The following BIRC6 variants were observed in gnomAD, a reference collection of about 807,000 sequenced individuals.
The protein encoded by BIRC6 is dual E2 ubiquitin-conjugating enzyme/E3 ubiquitin-protein ligase BIRC6.
A neutral mutation model predicts 503.3 loss-of-function variants in BIRC6; 98 were observed. That is an observed-to-expected ratio of 0.19 (90% CI 0.17 to 0.23). BIRC6 has a LOEUF of 0.23. Among genes scored for constraint, BIRC6 ranks in the 10% least tolerant of loss-of-function variants. The probability of loss-of-function intolerance (pLI) is 1.00; values close to 1 mark genes in which losing one functional copy is unlikely to be tolerated. For synonymous variants in BIRC6, 2,240 were observed against 2,078.7 expected (o/e 1.08, Z -2.11); for missense variants, 5,360 against 5,806.0 (o/e 0.92, Z 2.50).
intron 72 of BIRC6, among the ~76,000 whole-genome samples, chr2:32,608,934 C>T (rs775529509): frequency 6.6e-6 from 1 of 151,890 alleles, no homozygotes; most frequent in East Asian, 1.9e-4. Flanking sequence ...TGCTGGAATA[C>T]AGTGGCGGAA....
intron 73 of BIRC6, among the ~76,000 whole-genome samples, chr2:32,615,738 G>T (rs2063184784): frequency 6.6e-6 from 1 of 152,090 alleles, no homozygotes; most frequent in African/African-American, 2.4e-5. Flanking sequence ...TGGTTCAAGC[G>T]ATGCTCCTGC....
At chr2:32,479,406 A>G in intron 36 of BIRC6, 56 bp from the exon 37 acceptor site, 1 of 1,482,774 alleles carries the variant, frequency 6.7e-7, no homozygotes, top group South Asian at 1.2e-5. Flanking sequence ...ATGTGCTGTA[A>G]TACATTTTCG....
chr2:32,406,543 C>G lies in BIRC6; in HGVS notation c.1463C>G (p.Ser488Ter), dbSNP rs2041238318. 6.2e-7 allele frequency: 1 copy of G among 1,609,242 alleles called. No individual in the cohort carries two copies. The highest frequency in any genetic ancestry group is 1.7e-5 in the Admixed American group (1 of 59,736). The change falls in exon 9 of 74, where the codon TCA becomes TGA. Residue 488 changes from serine to a stop codon, truncating the protein, a stop_gained. Coordinates refer to ENST00000421745, the MANE Select transcript of BIRC6 (RefSeq NM_016252.4). LOFTEE classifies it high-confidence loss of function. ...EDSDSEEHSRSDSVTGHTSQK... is the reference protein window; with the variant it reads ...EDSDSEEHSR The stretch of plus-strand genomic sequence containing the variant: ...TCAGACAGTGAAGAGCATTCCAGAT[C>G]AGATTCTGTGACAGGTATGTAAAAA...
At chr2:32,556,602 T>G (rs151104752) in intron 65 of BIRC6, among the ~76,000 whole-genome samples, 1 of 152,218 alleles carries the variant, frequency 6.6e-6, no homozygotes, top group Non-Finnish European at 1.5e-5. Context: ...ATTTCCGCTA[T>G]ATAATTGTTT....
At chr2:32,370,199 G>A (rs1300707060) in intron 1 of BIRC6, among the ~76,000 whole-genome samples, 2 of 151,712 alleles carry the variant, frequency 1.3e-5, no homozygotes, top group Non-Finnish European at 2.9e-5. Flanking sequence ...AAACCCCACA[G>A]CAAGTATCTT....
chr2:32,368,445 C>G (rs1294422752), intron 1 of BIRC6, among the ~76,000 whole-genome samples: 1 of 152,070 alleles, frequency 6.6e-6, no homozygotes, highest in Non-Finnish European at 1.5e-5. Context: ...GAGGCTGAGG[C>G]AGAAGAATCG....
intron 2 of BIRC6, 119 bp downstream of exon 2, chr2:32,377,888 ATTTAC>A: frequency 1.2e-6 from 1 of 817,078 alleles, no homozygotes; most frequent in South Asian, 2.4e-5. Flanking sequence ...TATAAAAACA[ATTTAC>A]TTATTGACCA....
At chr2:32,456,152 T>C (rs571583926) in intron 23 of BIRC6, among the ~76,000 whole-genome samples, 5 of 152,236 alleles carry the variant, frequency 3.3e-5, no homozygotes, top group Non-Finnish European at 7.3e-5. Context: ...CTCCAGAAGC[T>C]AAACATCATC....
At chr2:32,409,626 G>A (rs1345896892) in intron 9 of BIRC6, among the ~76,000 whole-genome samples, 1 of 152,170 alleles carries the variant, frequency 6.6e-6, no homozygotes, top group African/African-American at 2.4e-5. Context: ...TGAAGATTGA[G>A]AAGAATGTTT....
chr2:32,545,406 CAT>C (rs1364194492), intron 62 of BIRC6, among the ~76,000 whole-genome samples: 4 of 152,120 alleles, frequency 2.6e-5, no homozygotes, highest in Non-Finnish European at 5.9e-5. Flanking sequence ...TATGATCATA[CAT>C]ATGTTTCCAT....
At chr2:32,597,423 A>C (rs561537180) in intron 68 of BIRC6, among the ~76,000 whole-genome samples, 1 of 152,216 alleles carries the variant, frequency 6.6e-6, no homozygotes, top group African/African-American at 2.4e-5. Context: ...CTTTGAGTTA[A>C]TAGACCCTGT....
chr2:32,401,560 C>G lies in BIRC6; in HGVS notation c.1355C>G (p.Pro452Arg). 1 of 1,613,932 alleles carries G rather than the reference C, an allele frequency of 6.2e-7. No homozygotes were observed. Among genetic ancestry groups the G allele is most frequent in the Non-Finnish European group, 8.5e-7 (1 of 1,179,882 alleles). ...AGCTCAGGAGTTGATTCAAGGAGACCAACTTTGGCGTGGCTGGAGGACTCC... is the reference window on the plus strand; with the variant it reads ...AGCTCAGGAGTTGATTCAAGGAGACGAACTTTGGCGTGGCTGGAGGACTCC... ...DPSSGVDSRR[P>R]TLAWLEDSSS... Residue 452 changes from proline (P) to arginine (R), a missense_variant, in exon 8 of 74, where the codon CCA (proline) becomes CGA (arginine). Around this residue, in one of 16 missense-constraint regions of BIRC6, gnomAD observed 700 missense variants for 739.3 expected, o/e 0.95. Coordinates refer to ENST00000421745, the MANE Select transcript of BIRC6 (RefSeq NM_016252.4).
chr2:32,385,032 GAGGATC>G (rs1211794473), intron 3 of BIRC6, among the ~76,000 whole-genome samples: 5 of 152,146 alleles, frequency 3.3e-5, no homozygotes, highest in Non-Finnish European at 7.4e-5. Flanking sequence ...GTTAACTAGT[GAGGATC>G]TTTACTTCTA....
chr2:32,478,201 G>A (rs188030679), intron 35 of BIRC6, among the ~76,000 whole-genome samples: 2 of 152,094 alleles, frequency 1.3e-5, no homozygotes, highest in Non-Finnish European at 2.9e-5. Flanking sequence ...GCTGGGTGTG[G>A]TGGCATGCAC....
chr2:32,484,325 G>A (rs916732451), intron 39 of BIRC6, among the ~76,000 whole-genome samples: 1 of 152,152 alleles, frequency 6.6e-6, no homozygotes, highest in South Asian at 2.1e-4. Context: ...GCCGAGGCAG[G>A]TGGATCACCT....
At chr2:32,605,912 A>T (rs1204012574) in intron 71 of BIRC6, among the ~76,000 whole-genome samples, 2 of 152,222 alleles carry the variant, frequency 1.3e-5, no homozygotes, top group Non-Finnish European at 2.9e-5. Flanking sequence ...CAGAAATAAT[A>T]TGAATTAAAG....
At chr2:32,468,173 T>G in intron 28 of BIRC6, 62 bp downstream of exon 28, 1 of 1,493,136 alleles carries the variant, frequency 6.7e-7, no homozygotes. Flanking sequence ...ATGTCTTGCT[T>G]ATAATTCTGT....
At chr2:32,414,336 A>T (rs1344170212) in intron 9 of BIRC6, among the ~76,000 whole-genome samples, 1 of 152,174 alleles carries the variant, frequency 6.6e-6, no homozygotes, top group Non-Finnish European at 1.5e-5. Flanking sequence ...GAATCCGTGG[A>T]TGTAGAACCT....
chr2:32,529,706 C>G lies in BIRC6; in HGVS notation c.11976C>G (p.Asp3992Glu). The G allele has an allele frequency of 6.2e-7, 1 of 1,613,356 alleles. No individual in the cohort carries two copies. The highest frequency in any genetic ancestry group is 2.2e-5 in the East Asian group (1 of 44,824). ...CCCAGCTTTTAACTCTCCTATATGA[C>G]CGAAAACTTCCTCAGGGTTACCGCT... ...TLAQLLTLLY[D>E]RKLPQGYRSI... The change falls in exon 60 of 74, where the codon GAC (aspartate) becomes GAG (glutamate). Residue 3992 changes from aspartate (D) to glutamate (E), a missense_variant. Transcript: ENST00000421745.
Sources: allele counts gnomAD v4.1 joint callset (sites outside exome capture counted in the v4.1 genomes callset), GRCh38; gene constraint gnomAD v4.1.1; regional missense constraint gnomAD v4.1.1; transcripts MANE v1.5; gene names NCBI Gene and HGNC (gene_info 2026-07-23, HGNC 2026-07-21).